The following BLNK variants were observed in gnomAD, a reference collection of about 807,000 sequenced individuals.
The protein encoded by BLNK is B-cell linker protein.
BLNK carries 29 observed loss-of-function variants against 73.5 expected under a neutral mutation model. That is an observed-to-expected ratio of 0.39 (90% CI 0.29 to 0.54). The LOEUF is 0.54. Ranked by LOEUF, BLNK falls within the 20% of genes least tolerant of loss-of-function variation. The pLI, the probability that BLNK is intolerant of heterozygous loss-of-function variation, is 0.61. For missense variants in BLNK, 460 were observed against 562.8 expected (o/e 0.82, Z 1.85); for synonymous variants, 176 against 200.8 (o/e 0.88, Z 1.04).
At chr10:96,212,875 C>T (rs935624421) in intron 8 of BLNK, among the ~76,000 whole-genome samples, 10 of 152,214 alleles carry the variant, frequency 6.6e-5, no homozygotes, top group Non-Finnish European at 1.2e-4. Flanking sequence ...TTTGCACACT[C>T]GGAAACCCAC....
Position 96,271,336 on chromosome 10 carries a change from G to T in BLNK, c.47+16C>A. 6.2e-7 allele frequency: 1 copy of T among 1,613,612 alleles called. No homozygotes were observed. Among genetic ancestry groups the T allele is most frequent in the East Asian group, 2.2e-5 (1 of 44,882 alleles). ...AAAAGGAGATGAAGAAGGGTATTGG[G>T]TGGGGAAAATCTTACCTCAACTTCT... On this transcript the variant is annotated intron_variant, in intron 1 of 16. Coordinates refer to ENST00000224337, the MANE Select transcript of BLNK (RefSeq NM_013314.4).
rs781955000 is a variant in BLNK, at chr10:96,223,911, G to T, written c.440C>A (p.Ala147Glu). Reference sequence around the variant, plus strand: ...GGCCGGCAGGGTGGAGGTGAGCCTTGCTTTCTCTGAAGGCCAGCTGGGCTT... The same window carrying T: ...GGCCGGCAGGGTGGAGGTGAGCCTTTCTTTCTCTGAAGGCCAGCTGGGCTT... The part of the protein sequence containing the change: ...PSKPSWPSEK[A>E]RLTSTLPALT... Residue 147 changes from alanine to glutamate, a missense_variant, in exon 6 of 17, where the codon GCA becomes GAA. Physicochemically the swap from Ala to Glu is moderately radical, Grantham distance 107. Transcript: ENST00000224337. 1.9e-6 allele frequency: 3 copies of T among 1,613,606 alleles called. No homozygotes were observed. The highest frequency in any genetic ancestry group is 2.7e-5 in the African/African-American group (2 of 74,904).
intron 1 of BLNK, among the ~76,000 whole-genome samples, chr10:96,256,958 G>A (rs1200283660): frequency 1.3e-5 from 2 of 149,914 alleles, no homozygotes; most frequent in Non-Finnish European, 1.5e-5. Context: ...CTTCAGGCTT[G>A]AAACTTCTGA....
chr10:96,225,535 T>C (rs1387877672), intron 5 of BLNK, among the ~76,000 whole-genome samples: 1 of 152,258 alleles, frequency 6.6e-6, no homozygotes, highest in African/African-American at 2.4e-5. Flanking sequence ...TCAGTTTTAT[T>C]TGCAGCTCCT....
Position 96,216,658 on chromosome 10 carries a change from T to G in BLNK, c.602A>C (p.Glu201Ala), listed in dbSNP as rs1161553295. 1 of 1,613,964 alleles carries G rather than the reference T, an allele frequency of 6.2e-7. No homozygotes were observed. The highest frequency in any genetic ancestry group is 8.5e-7 in the Non-Finnish European group (1 of 1,179,952). ...HPTESSSPPP[E>A]KAPMVNRSTK... is the part of the protein sequence containing the mutation. Reference sequence around the variant, plus strand: ...TTAAGGCGACAAACTCTTACCTTTTTCAGGTGGAGGTGAACTGCTTTCTGT... The same window carrying G: ...TTAAGGCGACAAACTCTTACCTTTTGCAGGTGGAGGTGAACTGCTTTCTGT... The change falls in exon 7 of 17, where the codon GAA (glutamate) becomes GCA (alanine). Residue 201 changes from glutamate to alanine, a missense_variant. Transcript: ENST00000224337.
chr10:96,200,253 C>A lies in BLNK; in HGVS notation c.1012-95G>T. 1.1e-6 allele frequency: 1 copy of A among 880,170 alleles called. No individual in the cohort carries two copies. Among genetic ancestry groups the A allele is most frequent in the Non-Finnish European group, 1.9e-6 (1 of 539,436 alleles). 54.5% of individuals were successfully genotyped at this position (880,170 alleles called of 1,614,324 possible). A position where few individuals can be genotyped will look rare whatever the true frequency, so the allele number is the denominator to read the frequency against. ...CAAAGACCCATTTGCATTATCAAGA[C>A]AGGCCTCTACATTTACACCAATAAT... On this transcript the variant is annotated intron_variant, in intron 14 of 16. Coordinates refer to ENST00000224337, the MANE Select transcript of BLNK (RefSeq NM_013314.4). The surrounding 1 kb of genome is among the most constrained non-coding windows in gnomAD (Gnocchi z 4.3).
chr10:96,199,589 G>A (rs1266772403), intron 15 of BLNK: 1 of 451,490 alleles, frequency 2.2e-6, no homozygotes, highest in African/African-American at 2.0e-5. Context: ...AAAGAGAGGA[G>A]GGGATAGCAG....
intron 6 of BLNK, among the ~76,000 whole-genome samples, chr10:96,218,306 A>G (rs1554900294): frequency 2.0e-5 from 3 of 152,206 alleles, no homozygotes; most frequent in African/African-American, 7.2e-5. Context: ...TAACAACACA[A>G]TAAGAGAGAT....
rs138963334 is a variant in BLNK at position 96,204,125 on chromosome 10, C to A, written c.903-37G>T. ...AATTTCAGATAATTAAAGGACAAAG[C>A]ACAATATGAGTAAGTTTGACTTTTT... On this transcript the variant is annotated intron_variant, in intron 12 of 16. Coordinates refer to ENST00000224337, the MANE Select transcript of BLNK (RefSeq NM_013314.4). 1.7e-5 allele frequency: 28 copies of A among 1,611,778 alleles called. No individual in the cohort carries two copies. In the African/African-American group the frequency reaches 3.2e-4, roughly 18 times the overall value.
chr10:96,240,339 A>T (rs1489334302), intron 3 of BLNK, among the ~76,000 whole-genome samples: 2 of 152,240 alleles, frequency 1.3e-5, no homozygotes, highest in Admixed American at 1.3e-4. Context: ...TGTTTATCCC[A>T]GAGAAGAAAC....
Position 96,226,854 on chromosome 10 carries a change from A to C in BLNK, c.361+556T>G, listed in dbSNP as rs587753987. 3.5e-5 allele frequency among the ~76,000 whole-genome samples: 5 copies of C among 141,152 alleles called. No homozygotes were observed. In the East Asian group the frequency reaches 1.0e-3, roughly 28 times the overall value. 92.6% of individuals were successfully genotyped at this position (141,152 alleles called of 152,430 possible). A position where few individuals can be genotyped will look rare whatever the true frequency, so the allele number is the denominator to read the frequency against. On this transcript the variant is annotated intron_variant, in intron 5 of 16. Coordinates refer to ENST00000224337, the MANE Select transcript of BLNK (RefSeq NM_013314.4). ...CTGTCGCAAAAAAACAAAACAAAAC[A>C]AAAAAAAAAACAGACCCAAGCTGTG...
rs181389633 is a variant in BLNK, at chr10:96,206,198, C to T, written c.817+813G>A. On this transcript the variant is annotated intron_variant, in intron 11 of 16. Transcript: ENST00000224337. ...AAGGAGAGTGCTTTATGTAGATATA[C>T]GCACATCAACTCAGGGAAGAGGGAG... 7.2e-5 allele frequency among the ~76,000 whole-genome samples: 11 copies of T among 152,226 alleles called. No homozygotes were observed. The East Asian group carries it at 1.9e-3, about 27-fold the overall frequency.
chr10:96,253,976 G>A (rs1564848429), intron 1 of BLNK, among the ~76,000 whole-genome samples: 1 of 151,246 alleles, frequency 6.6e-6, no homozygotes, highest in African/African-American at 2.4e-5. Flanking sequence ...AGCCGAGATC[G>A]TGCCACTGCA....
At chr10:96,198,684 A>G (rs1245101309) in intron 15 of BLNK, among the ~76,000 whole-genome samples, 1 of 152,178 alleles carries the variant, frequency 6.6e-6, no homozygotes, top group Non-Finnish European at 1.5e-5. Flanking sequence ...ATGAAAAAAC[A>G]GTTTTTTAAC....
At chr10:96,254,057 G>GAA (rs797028102) in intron 1 of BLNK, among the ~76,000 whole-genome samples, 1 of 145,758 alleles carries the variant, frequency 6.9e-6, no homozygotes, top group African/African-American at 2.5e-5. Flanking sequence ...TAAAAAAAAG[G>GAA]AAAAAAAAAA....
At chr10:96,260,063 C>T (rs1020043241) in intron 1 of BLNK, among the ~76,000 whole-genome samples, 4 of 152,176 alleles carry the variant, frequency 2.6e-5, no homozygotes, top group African/African-American at 9.7e-5. Flanking sequence ...CAACACTTCT[C>T]TTTCCTTTAG....
intron 3 of BLNK, among the ~76,000 whole-genome samples, chr10:96,237,712 G>A (rs1842746459): frequency 6.6e-6 from 1 of 152,166 alleles, no homozygotes; most frequent in Non-Finnish European, 1.5e-5. Flanking sequence ...TTAATGTCAG[G>A]AGCTCTAGTG....
intron 1 of BLNK, among the ~76,000 whole-genome samples, chr10:96,248,411 A>G (rs1286535729): frequency 6.6e-6 from 1 of 152,278 alleles, no homozygotes; most frequent in Non-Finnish European, 1.5e-5. Context: ...AACATCACTT[A>G]TATTTAAACA....
At chr10:96,212,116 A>T (rs1397459994) in intron 8 of BLNK, among the ~76,000 whole-genome samples, 7 of 151,944 alleles carry the variant, frequency 4.6e-5, no homozygotes, top group African/African-American at 1.7e-4. Flanking sequence ...TTCCTTCCCT[A>T]TAAATAACTT....
Sources: allele counts gnomAD v4.1 joint callset (sites outside exome capture counted in the v4.1 genomes callset), GRCh38; gene constraint gnomAD v4.1.1; non-coding constraint Gnocchi (gnomAD v3.1); transcripts MANE v1.5; gene names NCBI Gene and HGNC (gene_info 2026-07-23, HGNC 2026-07-21).